The following GRIA1 variants were observed in gnomAD, a reference collection of about 807,000 sequenced individuals.
The protein encoded by GRIA1 is glutamate receptor 1.
In GRIA1, 31 loss-of-function variants were observed where a neutral mutation model predicts 99.2. The ratio of observed to expected loss-of-function variants is 0.31; its 90% CI spans 0.23 to 0.42. GRIA1 has a LOEUF of 0.42. Among genes scored for constraint, GRIA1 ranks in the 10% least tolerant of loss-of-function variants. The pLI is 1.00. For synonymous variants in GRIA1, 438 were observed against 432.4 expected, an observed-to-expected ratio of 1.01 and a Z score of -0.16; for missense variants, 782 against 1,157.5, an observed-to-expected ratio of 0.68 and a Z score of 4.71.
intron 2 of GRIA1, among the ~76,000 whole-genome samples, chr5:153,551,475 A>G (rs1365259251): frequency 6.6e-6 from 1 of 152,136 alleles, no homozygotes; most frequent in East Asian, 1.9e-4. Flanking sequence ...TTCTGCTCAT[A>G]TGACCACATT....
chr5:153,732,768 T>C (rs1761130373), intron 11 of GRIA1, among the ~76,000 whole-genome samples: 1 of 152,092 alleles, frequency 6.6e-6, no homozygotes, highest in African/African-American at 2.4e-5. Context: ...TATTTGTGTT[T>C]TGATGCCATA....
intron 2 of GRIA1, among the ~76,000 whole-genome samples, chr5:153,618,263 A>G (rs916901102): frequency 2.0e-5 from 3 of 152,222 alleles, no homozygotes; most frequent in Admixed American, 6.5e-5. Flanking sequence ...CATATATCCC[A>G]ATTTAACCAG....
intron 2 of GRIA1, among the ~76,000 whole-genome samples, chr5:153,615,850 C>T (rs547388901): frequency 1.3e-5 from 2 of 152,256 alleles, no homozygotes; most frequent in South Asian, 4.1e-4. Context: ...CCTAAAGACA[C>T]AGAAACAAGA....
At chr5:153,602,124 C>T (rs1430829394) in intron 2 of GRIA1, among the ~76,000 whole-genome samples, 1 of 152,174 alleles carries the variant, frequency 6.6e-6, no homozygotes, top group African/African-American at 2.4e-5. Context: ...AGACTTGGAA[C>T]CAACCCAAAT....
chr5:153,539,228 C>A (rs1758852579), intron 2 of GRIA1, among the ~76,000 whole-genome samples: 2 of 152,054 alleles, frequency 1.3e-5, no homozygotes, highest in African/African-American at 4.8e-5. Context: ...ATAGAAAAAC[C>A]AGTATCACTA....
intron 13 of GRIA1, among the ~76,000 whole-genome samples, chr5:153,791,989 A>G (rs1765332427): frequency 6.6e-6 from 1 of 152,148 alleles, no homozygotes; most frequent in Non-Finnish European, 1.5e-5. Context: ...CCCATACTAC[A>G]TGTTTTGGAG....
intron 5 of GRIA1, among the ~76,000 whole-genome samples, chr5:153,666,031 C>T (rs1202048833): frequency 1.3e-5 from 2 of 152,154 alleles, no homozygotes; most frequent in East Asian, 3.8e-4. Flanking sequence ...ATGTGGTTCT[C>T]CCTAAAACTC....
intron 13 of GRIA1, 51 bp downstream of exon 13, chr5:153,770,466 C>G: frequency 1.3e-6 from 2 of 1,560,768 alleles, no homozygotes; most frequent in Non-Finnish European, 1.8e-6. Flanking sequence ...CTCCCTATCT[C>G]AGGAATGAAG....
intron 2 of GRIA1, among the ~76,000 whole-genome samples, chr5:153,514,167 C>T (rs978861596): frequency 6.6e-6 from 1 of 152,192 alleles, no homozygotes; most frequent in African/African-American, 2.4e-5. Flanking sequence ...CTTTCTGCAA[C>T]CATTATTGCC....
chr5:153,498,885 C>A (rs1352327612), intron 2 of GRIA1, among the ~76,000 whole-genome samples: 1 of 152,118 alleles, frequency 6.6e-6, no homozygotes, highest in African/African-American at 2.4e-5. Context: ...CTAGAGTAAT[C>A]AAATTATGTT....
In GRIA1 at chr5:153,728,935, G is replaced by T. The variant is rs533252369; in HGVS notation, c.1823+22868G>T. On this transcript the variant is annotated intron_variant, in intron 11 of 15. Transcript: ENST00000285900. ...TGCTGCTATAAAGACACATGCACACGTATGTTTATTGCAGCACTATTCACA... is the reference window on the plus strand; with the variant it reads ...TGCTGCTATAAAGACACATGCACACTTATGTTTATTGCAGCACTATTCACA... Among the ~76,000 whole-genome samples, 251 of 127,488 alleles carry T rather than the reference G, an allele frequency of 2.0e-3. 3 individuals are homozygous for T. Among genetic ancestry groups the T allele is most frequent in the African/African-American group, 7.1e-3 (232 of 32,498 alleles). 83.6% of individuals were successfully genotyped at this position (127,488 alleles called of 152,430 possible).
At chr5:153,508,950 A>G (rs1382803659) in intron 2 of GRIA1, among the ~76,000 whole-genome samples, 1 of 152,156 alleles carries the variant, frequency 6.6e-6, no homozygotes, top group Non-Finnish European at 1.5e-5. Context: ...CTACAAAAAG[A>G]CCTGCTCTCC....
intron 12 of GRIA1, among the ~76,000 whole-genome samples, chr5:153,769,177 C>T (rs1417050174): frequency 6.6e-6 from 1 of 152,194 alleles, no homozygotes; most frequent in East Asian, 1.9e-4. Context: ...ATAAGAGTAT[C>T]AGCCCTCACA....
chr5:153,601,229 G>A (rs894253661), intron 2 of GRIA1, among the ~76,000 whole-genome samples: 2 of 152,160 alleles, frequency 1.3e-5, no homozygotes, highest in Non-Finnish European at 2.9e-5. Context: ...CAAGCAAGAA[G>A]CCAAAACCTC....
At chr5:153,519,248 C>T (rs1370215223) in intron 2 of GRIA1, among the ~76,000 whole-genome samples, 1 of 151,596 alleles carries the variant, frequency 6.6e-6, no homozygotes, top group South Asian at 2.1e-4. Flanking sequence ...GACGACAGAG[C>T]GAGACTCCAT....
chr5:153,684,003 A>G (rs1239458072), intron 7 of GRIA1, among the ~76,000 whole-genome samples: 1 of 152,204 alleles, frequency 6.6e-6, no homozygotes, highest in Non-Finnish European at 1.5e-5. Flanking sequence ...AGCCTAGCAC[A>G]ATAGCACTGG....
At chr5:153,545,723 T>C (rs1170897810) in intron 2 of GRIA1, among the ~76,000 whole-genome samples, 1 of 152,236 alleles carries the variant, frequency 6.6e-6, no homozygotes, top group Non-Finnish European at 1.5e-5. Flanking sequence ...TACTCAACTT[T>C]GCTGCTGGAG....
chr5:153,651,073 C>G (rs1754539781), intron 4 of GRIA1, among the ~76,000 whole-genome samples: 1 of 151,860 alleles, frequency 6.6e-6, no homozygotes, highest in Non-Finnish European at 1.5e-5. Context: ...AGCAAGACTC[C>G]ATCTCGAAAA....
chr5:153,618,198 C>A (rs879346532), intron 2 of GRIA1, among the ~76,000 whole-genome samples: 7 of 152,168 alleles, frequency 4.6e-5, no homozygotes, highest in Admixed American at 2.0e-4. Context: ...TCTAGGGATT[C>A]AAACTTTCTA....
Sources: allele counts gnomAD v4.1 joint callset (sites outside exome capture counted in the v4.1 genomes callset), GRCh38; gene constraint gnomAD v4.1.1; transcripts MANE v1.5; gene names NCBI Gene and HGNC (gene_info 2026-07-23, HGNC 2026-07-21).